The following DIP2A variants were observed in gnomAD, a reference collection of about 807,000 sequenced individuals.
The protein encoded by DIP2A is disco-interacting protein 2 homolog A.
Under a neutral mutation model 177.4 loss-of-function variants are expected in DIP2A, and 85 were observed. That is an observed-to-expected ratio of 0.48 (90% CI 0.40 to 0.57). The LOEUF (loss-of-function observed/expected upper bound fraction) is 0.57. DIP2A is among the 20% of genes least tolerant of loss of function. The pLI, the probability that DIP2A is intolerant of heterozygous loss-of-function variation, is 0.00. For synonymous variants in DIP2A, 886 were observed against 881.8 expected, an observed-to-expected ratio of 1.00 and a Z score of -0.08; for missense variants, 1,791 against 2,100.2, an observed-to-expected ratio of 0.85 and a Z score of 2.88.
At chr21:46,525,733 A>G (rs1045454278) in intron 8 of DIP2A, 22 of 152,238 alleles carry the variant, frequency 1.4e-4, no homozygotes, top group African/African-American at 5.1e-4. Context: ...AAAACTGAAA[A>G]AAAGAGTGTC....
chr21:46,482,412 G>A (rs2056410812), intron 1 of DIP2A, among the ~76,000 whole-genome samples: 2 of 152,316 alleles, frequency 1.3e-5, no homozygotes, highest in South Asian at 2.1e-4. Flanking sequence ...TGATGCTGGT[G>A]TAAACAAACC....
Position 46,484,644 on chromosome 21 carries a change from C to T in DIP2A, c.92-113C>T. The T allele has an allele frequency of 4.6e-6, 4 of 871,938 alleles. No individual in the cohort carries two copies. The South Asian group carries it at 7.2e-5, about 16-fold the overall frequency. The allele number at this position is 871,938 out of a possible 1,614,324, so 54.0% of individuals were successfully genotyped here. On this transcript the variant is annotated intron_variant, in intron 1 of 37. Coordinates refer to ENST00000417564, the MANE Select transcript of DIP2A (RefSeq NM_015151.4). ...GTCCATTATAGTTTATTTGTCCAGACACTTCATGGAAGGACATCAGTGTTT... is the reference window on the plus strand; with the variant it reads ...GTCCATTATAGTTTATTTGTCCAGATACTTCATGGAAGGACATCAGTGTTT...
chr21:46,534,744 G>A (rs991936311), intron 13 of DIP2A, 57 bp downstream of exon 13: 24 of 1,449,910 alleles, frequency 1.7e-5, no homozygotes, highest in Middle Eastern at 1.8e-4. Context: ...GATACCTGAC[G>A]TACCTAATCA....
chr21:46,511,352 T>G (rs1196709052), intron 7 of DIP2A, 65 bp from the exon 8 acceptor site: 9 of 1,477,138 alleles, frequency 6.1e-6, no homozygotes, highest in Non-Finnish European at 8.3e-6. Flanking sequence ...CTATGAATGC[T>G]TAAAAACAGA....
In DIP2A at chr21:46,541,781, C is replaced by G; in HGVS notation, c.2062C>G (p.Pro688Ala). 6.2e-7 allele frequency: 1 copy of G among 1,613,942 alleles called. No individual in the cohort carries two copies. The highest frequency in any genetic ancestry group is 8.5e-7 in the Non-Finnish European group (1 of 1,179,882). Reference sequence around the variant, plus strand: ...GCCACCTGATCTGGGAGGACCACCTCCAAGAAAAGCAGTCCTGTCGATGAA... The same window carrying G: ...GCCACCTGATCTGGGAGGACCACCTGCAAGAAAAGCAGTCCTGTCGATGAA... ...RRPPDLGGPP[P>A]RKAVLSMNGL... The change falls in exon 18 of 38, where the codon CCA (proline) becomes GCA (alanine). Residue 688 changes from proline to alanine, a missense_variant. Pro to Ala is a conservative substitution (Grantham distance 27). Coordinates refer to ENST00000417564, the MANE Select transcript of DIP2A (RefSeq NM_015151.4).
At chr21:46,576,245 A>C in the DIP2A span, among the ~76,000 whole-genome samples, 1 of 152,158 alleles carries the variant, frequency 6.6e-6, no homozygotes, top group African/African-American at 2.4e-5. Context: ...TCCAGCATGC[A>C]TTAGCTATTT....
chr21:46,567,434 G>T lies in DIP2A; in HGVS notation c.4528G>T (p.Ala1510Ser). 1 of 1,613,962 alleles carries T rather than the reference G, an allele frequency of 6.2e-7. No homozygotes were observed. The highest frequency in any genetic ancestry group is 8.5e-7 in the Non-Finnish European group (1 of 1,179,884). Reference sequence around the variant, plus strand: ...GGAGCTGGATGGGCTAGAGCAGGATGCCCTGGACCTGGTGGCCCTGGTGAC... The same window carrying T: ...GGAGCTGGATGGGCTAGAGCAGGATTCCCTGGACCTGGTGGCCCTGGTGAC... ...VVELDGLEQD[A>S]LDLVALVTNV... Residue 1510 changes from alanine to serine, a missense_variant, in exon 38 of 38, where the codon GCC (alanine) becomes TCC (serine). Coordinates refer to ENST00000417564, the MANE Select transcript of DIP2A (RefSeq NM_015151.4).
intron 35 of DIP2A, among the ~76,000 whole-genome samples, chr21:46,565,194 C>G (rs1231154094): frequency 6.9e-6 from 1 of 145,354 alleles, no homozygotes; most frequent in Non-Finnish European, 1.5e-5. Context: ...CACACAAACA[C>G]GTGGACAGGT....
chr21:46,503,682 TTTTC>T (rs1456983459), intron 5 of DIP2A, among the ~76,000 whole-genome samples: 45 of 55,478 alleles, frequency 8.1e-4, no homozygotes, highest in African/African-American at 1.7e-3. Flanking sequence ...TCTTTCTTTC[TTTTC>T]TTTCTTTCTT....
chr21:46,534,458 G>T lies in DIP2A; in HGVS notation c.1540-127G>T, dbSNP rs1210712383. On this transcript the variant is annotated intron_variant, in intron 12 of 37. Transcript: ENST00000417564. ...GTTTTGCCATGTACCTGGGCTGCTG[G>T]TTAGAGGCCGATGGTTAGAGGAGAG... 31 of 928,228 alleles carry T rather than the reference G, an allele frequency of 3.3e-5. No individual in the cohort carries two copies. The South Asian group carries it at 3.6e-4, about 11-fold the overall frequency. The allele number at this position is 928,228 out of a possible 1,614,324, so 57.5% of individuals were successfully genotyped here.
chr21:46,546,769 G>C, intron 20 of DIP2A, 146 bp from the exon 21 acceptor site: 2 of 830,484 alleles, frequency 2.4e-6, no homozygotes, highest in South Asian at 2.0e-5. Flanking sequence ...CTGCGTTGCA[G>C]ATTGGGTCTG....
intron 10 of DIP2A, among the ~76,000 whole-genome samples, chr21:46,532,866 C>T (rs1340381351): frequency 6.6e-6 from 1 of 152,062 alleles, no homozygotes; most frequent in Non-Finnish European, 1.5e-5. Flanking sequence ...TTGAGAAAAT[C>T]AGTTTTCTGT....
chr21:46,530,096 G>A (rs1035457266), intron 9 of DIP2A, among the ~76,000 whole-genome samples: 2 of 152,204 alleles, frequency 1.3e-5, no homozygotes, highest in Non-Finnish European at 2.9e-5. Flanking sequence ...TGTCATCATA[G>A]AAACTTCTGT....
At chr21:46,576,315 CT>C in the DIP2A span, among the ~76,000 whole-genome samples, 1 of 152,120 alleles carries the variant, frequency 6.6e-6, no homozygotes, top group Non-Finnish European at 1.5e-5. Context: ...TGTTGTTCCC[CT>C]CTGTGTGTCT....
intron 8 of DIP2A, among the ~76,000 whole-genome samples, chr21:46,528,586 C>T (rs2059223794): frequency 9.3e-6 from 1 of 107,772 alleles, no homozygotes; most frequent in Non-Finnish European, 1.8e-5. Flanking sequence ...GTCTTTATTG[C>T]CCAGGCTGGC....
In DIP2A at chr21:46,519,855, A is replaced by ATTTTTTTTTTTTT. The variant is rs59574579; in HGVS notation, c.1102+8266_1102+8278dup. On this transcript the variant is annotated intron_variant, in intron 8 of 37. Transcript: ENST00000417564. ...GCCCAGAATTAGAATATTGATCTAG[A>ATTTTTTTTTTTTT]TTTTTTTTTTTTTTTTTTTTTTTTT... Among the ~76,000 whole-genome samples, 5 of 53,018 alleles carry ATTTTTTTTTTTTT rather than the reference A, an allele frequency of 9.4e-5. 1 individual carries two copies. Among genetic ancestry groups the ATTTTTTTTTTTTT allele is most frequent in the African/African-American group, 3.5e-4 (4 of 11,478 alleles). 34.8% of individuals were successfully genotyped at this position (53,018 alleles called of 152,430 possible). A position where few individuals can be genotyped will look rare whatever the true frequency, so the allele number is the denominator to read the frequency against.
chr21:46,561,867 C>T (rs1377894621), intron 34 of DIP2A, 62 bp downstream of exon 34: 3 of 1,604,376 alleles, frequency 1.9e-6, no homozygotes, highest in East Asian at 2.2e-5. Flanking sequence ...TGAAGCATCA[C>T]CCCGTGGAGG....
Position 46,461,824 on chromosome 21 carries a change from C to A in DIP2A, c.91+2602C>A, listed in dbSNP as rs112996956. Among the ~76,000 whole-genome samples the A allele has an allele frequency of 3.0e-3, 455 of 151,994 alleles. 2 individuals are homozygous for A. Among genetic ancestry groups the A allele is most frequent in the Admixed American group, 7.1e-3 (109 of 15,254 alleles). On this transcript the variant is annotated intron_variant, in intron 1 of 37. Coordinates refer to ENST00000417564, the MANE Select transcript of DIP2A (RefSeq NM_015151.4). ...CCTGTTATGTTTGCATTTTGGGAGG[C>A]CCAGGCAGGAGGATCACTTGAGCCC... is the stretch of plus-strand genomic sequence containing the variant.
In DIP2A at chr21:46,537,606, G is replaced by A; in HGVS notation, c.1801+67G>A. ...AAATCTCTTTGAACTGACCTTTGGT[G>A]CTTAAGAAAAAATAAAGCTGACATG... On this transcript the variant is annotated intron_variant, in intron 15 of 37. Transcript: ENST00000417564. The surrounding 1 kb of genome is among the most constrained non-coding windows in gnomAD (Gnocchi z 4.1). 6.7e-7 allele frequency: 1 copy of A among 1,485,392 alleles called. No homozygotes were observed. The highest frequency in any genetic ancestry group is 1.9e-5 in the Admixed American group (1 of 53,458). The allele number at this position is 1,485,392 out of a possible 1,614,324, so 92.0% of individuals were successfully genotyped here.
Sources: gnomAD v4.1 joint callset for allele counts (sites outside exome capture counted in the v4.1 genomes callset) on GRCh38, gnomAD v4.1.1 for gene constraint, Gnocchi (gnomAD v3.1) non-coding constraint, MANE v1.5 for transcripts, NCBI Gene and HGNC (gene_info 2026-07-23, HGNC 2026-07-21) for gene names.